The following SHROOM2 variants were observed in gnomAD, a reference collection of about 807,000 sequenced individuals.
SHROOM2 encodes shroom family member 2.
Under a neutral mutation model 75.9 loss-of-function variants are expected in SHROOM2, and 33 were observed. The ratio of observed to expected loss-of-function variants is 0.43; its 90% CI spans 0.33 to 0.58. SHROOM2 has a LOEUF of 0.58. SHROOM2 is among the 20% of genes least tolerant of loss of function. SHROOM2 has a pLI of 0.04. For missense variants in SHROOM2, 1,434 were observed against 1,461.2 expected, an observed-to-expected ratio of 0.98 and a Z score of 0.30; for synonymous variants, 655 against 663.6, an observed-to-expected ratio of 0.99 and a Z score of 0.20.
At chrX:9,884,177 C>G (rs992530235) in intron 2 of SHROOM2, among the ~76,000 whole-genome samples, 1 of 110,635 alleles carries the variant, frequency 9.0e-6, no homozygotes, top group East Asian at 2.9e-4. Flanking sequence ...TGTTTCAGAC[C>G]GTAGGCTCCC....
intron 5 of SHROOM2, among the ~76,000 whole-genome samples, chrX:9,930,243 G>T (rs929374043): frequency 9.0e-6 from 1 of 111,596 alleles, no homozygotes; most frequent in South Asian, 3.7e-4. Flanking sequence ...GAGGCTGGGC[G>T]CAGTGACTCA....
chrX:9,880,765 T>C lies in SHROOM2; in HGVS notation c.317+6962T>C, dbSNP rs781579015. Among the ~76,000 whole-genome samples the C allele has an allele frequency of 1.3e-4, 14 of 111,790 alleles. No individual in the cohort carries two copies. In the East Asian group the frequency reaches 3.6e-3, roughly 29 times the overall value. On this transcript the variant is annotated intron_variant, in intron 2 of 9. Coordinates refer to ENST00000380913, the MANE Select transcript of SHROOM2 (RefSeq NM_001649.4). ...TGTTTGTTTTAATGTCACTTGCTAA[T>C]TTATTCACACAAAGAAAATGCTCCA...
At chrX:9,937,765 C>T in intron 7 of SHROOM2, 80 bp downstream of exon 7, 2 of 883,016 alleles carry the variant, frequency 2.3e-6, no homozygotes, top group Non-Finnish European at 3.1e-6. Flanking sequence ...GGGTCTGCCT[C>T]TCTGTTTTCA....
At chrX:9,913,859 C>G (rs2084457136) in intron 5 of SHROOM2, among the ~76,000 whole-genome samples, 1 of 111,273 alleles carries the variant, frequency 9.0e-6, no homozygotes. Context: ...GATTTGGTAC[C>G]AAGTTGATGA....
At chrX:9,797,572 T>A (rs1213244664) in intron 1 of SHROOM2, among the ~76,000 whole-genome samples, 3 of 112,613 alleles carry the variant, frequency 2.7e-5, no homozygotes, top group East Asian at 5.5e-4. Context: ...CCAATTAGCA[T>A]GAAGCCTATT....
At chrX:9,861,784 G>A (rs2084105131) in intron 1 of SHROOM2, among the ~76,000 whole-genome samples, 1 of 111,879 alleles carries the variant, frequency 8.9e-6, no homozygotes, top group African/African-American at 3.2e-5. Context: ...AATTGTGTAC[G>A]TAAGTGGCAG....
chrX:9,929,363 G>A (rs1416053846), intron 5 of SHROOM2, among the ~76,000 whole-genome samples: 5 of 112,214 alleles, frequency 4.5e-5, no homozygotes, highest in African/African-American at 1.6e-4. Flanking sequence ...AGCGCGCCCC[G>A]TGCTGCACTT....
At chrX:9,917,502 T>TTTGTTGTTGTTG (rs35611302) in intron 5 of SHROOM2, among the ~76,000 whole-genome samples, 12 of 84,234 alleles carry the variant, frequency 1.4e-4, no homozygotes, top group Admixed American at 3.6e-4. Flanking sequence ...ATTGTGGTTC[T>TTTGTTGTTGTTG]TTGTTGTTGT....
chrX:9,820,658 C>T (rs2083848994), intron 1 of SHROOM2, among the ~76,000 whole-genome samples: 1 of 112,343 alleles, frequency 8.9e-6, no homozygotes, highest in African/African-American at 3.2e-5. Context: ...TGCCACTGTA[C>T]CTGGCCTTCC....
chrX:9,882,713 G>A (rs975247537), intron 2 of SHROOM2, among the ~76,000 whole-genome samples: 8 of 111,771 alleles, frequency 7.2e-5, no homozygotes, highest in African/African-American at 2.6e-4. Context: ...CTCTTGCTAG[G>A]GGTGAGGCAG....
intron 1 of SHROOM2, among the ~76,000 whole-genome samples, chrX:9,809,245 G>A (rs754599765): frequency 6.3e-5 from 7 of 111,408 alleles, no homozygotes; most frequent in East Asian, 2.8e-4. Context: ...CAAAACTGAA[G>A]AACCTGGAGT....
rs879126975 is a variant in SHROOM2 at position 9,894,553 on chromosome X, C to T, written c.645C>T (p.Thr215=). 6.6e-6 allele frequency: 8 copies of T among 1,211,921 alleles called. No homozygotes were observed. In the South Asian group the frequency reaches 8.8e-5, roughly 13 times the overall value. ...KRDSAYGSFS[T]SSSTPDHTLS... ...ACTCGGCCTACGGCTCCTTCTCCACCAGCTCTAGCACTCCTGACCACACCT... is the reference window on the plus strand; with the variant it reads ...ACTCGGCCTACGGCTCCTTCTCCACTAGCTCTAGCACTCCTGACCACACCT... The change falls in exon 4 of 10, where the codon ACC becomes ACT. Residue 215 remains threonine (T), a synonymous_variant. Transcript: ENST00000380913.
At chrX:9,812,531 T>C (rs1389574857) in intron 1 of SHROOM2, among the ~76,000 whole-genome samples, 1 of 112,189 alleles carries the variant, frequency 8.9e-6, no homozygotes, top group Non-Finnish European at 1.9e-5. Context: ...CCCCATACCA[T>C]TGGACCCCTA....
Position 9,949,222 on chromosome X carries a change from G to T in SHROOM2, c.*2285G>T. On this transcript the variant is annotated 3_prime_UTR_variant, in exon 10 of 10. Transcript: ENST00000380913. ...TGTATTATTCATAGAAAATCAATCT[G>T]GTGCTAATGGTTGGCCCTGGTGTTG... The T allele has an allele frequency of 1.4e-5, 4 of 282,728 alleles. No individual in the cohort carries two copies. Among genetic ancestry groups the T allele is most frequent in the Non-Finnish European group, 2.7e-5 (4 of 147,873 alleles). 23.3% of individuals were successfully genotyped at this position (282,728 alleles called of 1,213,427 possible).
chrX:9,813,224 A>G (rs2083801415), intron 1 of SHROOM2, among the ~76,000 whole-genome samples: 1 of 111,678 alleles, frequency 9.0e-6, no homozygotes. Context: ...CAGGGAGCCA[A>G]TGTGGGGGTT....
chrX:9,839,294 T>C (rs2083967348), intron 1 of SHROOM2, among the ~76,000 whole-genome samples: 1 of 111,409 alleles, frequency 9.0e-6, no homozygotes, highest in Admixed American at 9.5e-5. Flanking sequence ...TTTTTTACCA[T>C]CACCCTCTGT....
intron 1 of SHROOM2, among the ~76,000 whole-genome samples, chrX:9,811,189 C>T (rs965848500): frequency 1.8e-5 from 2 of 111,934 alleles, no homozygotes; most frequent in African/African-American, 6.5e-5. Flanking sequence ...AGGAATGGTG[C>T]CATATCAAGG....
At chrX:9,801,738 A>T (rs2146730950) in intron 1 of SHROOM2, among the ~76,000 whole-genome samples, 1 of 111,271 alleles carries the variant, frequency 9.0e-6, no homozygotes, top group South Asian at 3.8e-4. Context: ...CAATCGCTTG[A>T]GCCCAGGAAT....
chrX:9,936,473 C>T (rs1366376658), intron 6 of SHROOM2, among the ~76,000 whole-genome samples: 1 of 111,873 alleles, frequency 8.9e-6, no homozygotes, highest in Non-Finnish European at 1.9e-5. Context: ...ACCGATGACT[C>T]GCTGCTTACT....
Sources: gnomAD v4.1 joint callset for allele counts (sites outside exome capture counted in the v4.1 genomes callset) on GRCh38, gnomAD v4.1.1 for gene constraint, MANE v1.5 for transcripts, NCBI Gene and HGNC (gene_info 2026-07-23, HGNC 2026-07-21) for gene names.